Variants in ARFRP1 observed in about 807,000 individuals in gnomAD.
ARFRP1 encodes ARF related protein 1.
Under a neutral mutation model 30.3 loss-of-function variants are expected in ARFRP1, and 19 were observed. The observed-to-expected ratio is 0.63, with a 90% confidence interval of 0.44 to 0.92. The LOEUF is 0.92. ARFRP1 is among the 40% of genes least tolerant of loss of function. ARFRP1 has a pLI of 0.00. For synonymous variants in ARFRP1, 133 were observed against 114.2 expected (o/e 1.16, Z -1.05); for missense variants, 245 against 267.5 (o/e 0.92, Z 0.59).
chr20:63,702,389 GGA>G (rs1601249174), intron 4 of ARFRP1, 172 bp from the exon 5 acceptor site: 1 of 641,348 alleles, frequency 1.6e-6, no homozygotes. Context: ...GAGATCTGGT[GGA>G]GGTGTCCCCA....
intron 4 of ARFRP1, chr20:63,705,809 T>C (rs2091427299): frequency 1.9e-6 from 1 of 518,708 alleles, no homozygotes; most frequent in Admixed American, 2.0e-5. Flanking sequence ...AGAAACAGAC[T>C]GCCCTGACCT....
In ARFRP1 at chr20:63,700,738, G is replaced by A. The variant is rs763924270; in HGVS notation, c.418-36C>T. ...TAAGGCCGTGAGGAGCAGCCCCCAC[G>A]TCTGGCCCTGTCCTGCCTGTGGGCC... On this transcript the variant is annotated intron_variant, in intron 6 of 7. Coordinates refer to ENST00000622789, the MANE Select transcript of ARFRP1 (RefSeq NM_001267547.3). 55 of 1,600,152 alleles carry A rather than the reference G, an allele frequency of 3.4e-5. No homozygotes were observed. The Middle Eastern group carries it at 1.8e-3, about 52-fold the overall frequency.
At chr20:63,701,998 G>GTCC in intron 5 of ARFRP1, 98 bp from the exon 6 acceptor site, 3 of 583,914 alleles carry the variant, frequency 5.1e-6, no homozygotes, top group Non-Finnish European at 7.7e-6. Flanking sequence ...CACTCCCTCT[G>GTCC]CCCCCCCCCC....
rs550492604 is a variant in ARFRP1, at chr20:63,700,184, G to C, written c.*259C>G. ...CCTCAGACCCCCCAGAAAGGGCCTCGAAAGGCCGCCGCTGCGCCCTGTGGA... is the reference window on the plus strand; with the variant it reads ...CCTCAGACCCCCCAGAAAGGGCCTCCAAAGGCCGCCGCTGCGCCCTGTGGA... On this transcript the variant is annotated 3_prime_UTR_variant, in exon 8 of 8. Coordinates refer to ENST00000622789, the MANE Select transcript of ARFRP1 (RefSeq NM_001267547.3). The C allele has an allele frequency of 7.8e-6, 4 of 510,634 alleles. No homozygotes were observed. Among genetic ancestry groups the C allele is most frequent in the Non-Finnish European group, 3.5e-6 (1 of 282,868 alleles). The allele number at this position is 510,634 out of a possible 1,614,324, so 31.6% of individuals were successfully genotyped here. A position where few individuals can be genotyped will look rare whatever the true frequency, so the allele number is the denominator to read the frequency against.
chr20:63,701,161 T>C (rs980375204), intron 6 of ARFRP1: 1 of 471,756 alleles, frequency 2.1e-6, no homozygotes, highest in Non-Finnish European at 4.4e-6. Flanking sequence ...CCTCCCCTTT[T>C]CCTCCGAGGG....
intron 5 of ARFRP1, 43 bp from the exon 6 acceptor site, chr20:63,701,943 G>C: frequency 6.6e-7 from 1 of 1,526,440 alleles, no homozygotes; most frequent in South Asian, 1.2e-5. Context: ...CCAGCATCCT[G>C]CCTCTGACTG....
chr20:63,700,637 T>A lies in ARFRP1; in HGVS notation c.483A>T (p.Arg161=), dbSNP rs1048665. The A allele has an allele frequency of 3.1e-6, 5 of 1,610,362 alleles. No homozygotes were observed. The highest frequency in any genetic ancestry group is 2.2e-5 in the East Asian group (1 of 44,824). The change falls in exon 7 of 8, where the codon CGA becomes CGT. Residue 161 remains arginine (R), a synonymous_variant. Coordinates refer to ENST00000622789, the MANE Select transcript of ARFRP1 (RefSeq NM_001267547.3). ...FSDCTSKIGR[R]DCLTQACSAL... ...CCGAGCAGGCCTGGGTCAGGCAATCTCGCCTGCCGATCTTGCTGGTGCAGT... is the reference window on the plus strand; with the variant it reads ...CCGAGCAGGCCTGGGTCAGGCAATCACGCCTGCCGATCTTGCTGGTGCAGT...
chr20:63,702,305 G>T lies in ARFRP1; in HGVS notation c.265-88C>A. 4.6e-6 allele frequency: 6 copies of T among 1,292,940 alleles called. No individual in the cohort carries two copies. The South Asian group carries it at 7.4e-5, about 16-fold the overall frequency. The allele number at this position is 1,292,940 out of a possible 1,614,324, so 80.1% of individuals were successfully genotyped here. Reference sequence around the variant, plus strand: ...GCCTGTGTCATGGCCACAGTGAGGGGCTCACATGAGGAAGGGGCAAGAGGG... The same window carrying T: ...GCCTGTGTCATGGCCACAGTGAGGGTCTCACATGAGGAAGGGGCAAGAGGG... On this transcript the variant is annotated intron_variant, in intron 4 of 7. Coordinates refer to ENST00000622789, the MANE Select transcript of ARFRP1 (RefSeq NM_001267547.3).
intron 4 of ARFRP1, 152 bp from the exon 5 acceptor site, chr20:63,702,369 G>C (rs1182938985): frequency 1.4e-6 from 1 of 702,540 alleles, no homozygotes. Context: ...ATGCATTCTG[G>C]GGTTGCGGGG....
At chr20:63,706,150 C>T (rs2091451091) in intron 4 of ARFRP1, 3 of 540,298 alleles carry the variant, frequency 5.6e-6, no homozygotes, top group Non-Finnish European at 1.0e-5. Flanking sequence ...TGGGAAACTC[C>T]CCTACCACCA....
intron 6 of ARFRP1, chr20:63,701,185 C>T (rs6122147): frequency 0.12 from 64,819 of 518,564 alleles, 5,737 homozygotes; most frequent in Admixed American, 0.32. Flanking sequence ...ACCCCTGCCC[C>T]GTACCAGATG....
At chr20:63,706,543 T>A in intron 3 of ARFRP1, 104 bp from the exon 4 acceptor site, 1 of 1,520,950 alleles carries the variant, frequency 6.6e-7, no homozygotes, top group Non-Finnish European at 9.1e-7. Context: ...GCCACTCAAA[T>A]GAGACTTGAG....
intron 4 of ARFRP1, 42 bp from the exon 5 acceptor site, chr20:63,702,259 G>T: frequency 6.4e-7 from 1 of 1,568,564 alleles, no homozygotes. Flanking sequence ...TCCCCACCCT[G>T]CCAAGGGCCA....
chr20:63,706,559 C>A, intron 3 of ARFRP1, 92 bp downstream of exon 3: 1 of 1,515,390 alleles, frequency 6.6e-7, no homozygotes, highest in Non-Finnish European at 9.2e-7. Context: ...TTGAGAGGGG[C>A]CCGACAGGGC....
chr20:63,702,010 C>CCA, intron 5 of ARFRP1, 110 bp from the exon 6 acceptor site: 2 of 893,208 alleles, frequency 2.2e-6, no homozygotes, highest in Non-Finnish European at 1.6e-6. Flanking sequence ...CCCCCCCCCC[C>CCA]CCGTCACCCA....
In ARFRP1 at chr20:63,699,087, C is replaced by T. The variant is rs1266051427; in HGVS notation, c.*1356G>A. 1 of 152,332 alleles carries T rather than the reference C, an allele frequency of 6.6e-6. No individual in the cohort carries two copies. The highest frequency in any genetic ancestry group is 1.5e-5 in the Non-Finnish European group (1 of 68,100). The allele number at this position is 152,332 out of a possible 1,614,324, so 9.4% of individuals were successfully genotyped here. ...TTTCCGGGAAGTGAAGCTTCTCCCT[C>T]TCTGGGGCAGGCTCTGAAGCCTCCC... On this transcript the variant is annotated 3_prime_UTR_variant, in exon 8 of 8. Coordinates refer to ENST00000622789, the MANE Select transcript of ARFRP1 (RefSeq NM_001267547.3).
At chr20:63,703,165 C>A (rs1488982409) in intron 4 of ARFRP1, 1 of 152,280 alleles carries the variant, frequency 6.6e-6, no homozygotes, top group African/African-American at 2.4e-5. Context: ...TGCCCAGAGA[C>A]CTAGAACTGG....
In ARFRP1 at chr20:63,701,916, G is replaced by A. The variant is rs1277515348; in HGVS notation, c.347-16C>T. ...ACCACCTTCTCTGGGGAGGGCAGGA[G>A]AGGCAGCGCCTCACACCCAGCATCC... On this transcript the variant is annotated splice_polypyrimidine_tract_variant and intron_variant, in intron 5 of 7. Transcript: ENST00000622789. 3 of 1,549,270 alleles carry A rather than the reference G, an allele frequency of 1.9e-6. No homozygotes were observed. Among genetic ancestry groups the A allele is most frequent in the East Asian group, 2.4e-5 (1 of 40,952 alleles).
rs765283343 is a variant in ARFRP1, at chr20:63,700,410, G to A, written c.*33C>T. 19 of 1,602,826 alleles carry A rather than the reference G, an allele frequency of 1.2e-5. No individual in the cohort carries two copies. In the Middle Eastern group the frequency reaches 6.7e-4, roughly 57 times the overall value. Reference sequence around the variant, plus strand: ...AGGAGGCCACTCCTCCAGCACCAGGGGACCAGCCGTCCCGACGGCAGCGCG... The same window carrying A: ...AGGAGGCCACTCCTCCAGCACCAGGAGACCAGCCGTCCCGACGGCAGCGCG... On this transcript the variant is annotated 3_prime_UTR_variant, in exon 8 of 8. Transcript: ENST00000622789.
Sources: allele counts gnomAD v4.1 joint callset, GRCh38; gene constraint gnomAD v4.1.1; transcripts MANE v1.5; gene names NCBI Gene and HGNC (gene_info 2026-07-23, HGNC 2026-07-21).